Variants in RAB3GAP1 observed in about 807,000 individuals in gnomAD.
RAB3GAP1 encodes rab3 GTPase-activating protein catalytic subunit.
A neutral mutation model predicts 130.7 loss-of-function variants in RAB3GAP1; 86 were observed. The ratio of observed to expected loss-of-function variants is 0.66; its 90% CI spans 0.55 to 0.79. The LOEUF (loss-of-function observed/expected upper bound fraction) is 0.79. Ranked by LOEUF, RAB3GAP1 falls within the 30% of genes least tolerant of loss-of-function variation. RAB3GAP1 has a pLI of 0.00. For missense variants in RAB3GAP1, 1,029 were observed against 1,169.4 expected, an observed-to-expected ratio of 0.88 and a Z score of 1.75; for synonymous variants, 367 against 401.7, an observed-to-expected ratio of 0.91 and a Z score of 1.03.
chr2:135,065,583 T>A (rs931289485), intron 3 of RAB3GAP1, among the ~76,000 whole-genome samples: 1 of 152,210 alleles, frequency 6.6e-6, no homozygotes, highest in African/African-American at 2.4e-5. Context: ...TTATTTGTAA[T>A]GAATTAATAA....
chr2:135,159,931 T>C (rs1692419933), intron 19 of RAB3GAP1, among the ~76,000 whole-genome samples: 1 of 152,150 alleles, frequency 6.6e-6, no homozygotes, highest in African/African-American at 2.4e-5. Context: ...AGGACCAGAA[T>C]AGGCAAGTCC....
chr2:135,076,416 CAT>C (rs1447246698), intron 3 of RAB3GAP1, among the ~76,000 whole-genome samples: 1 of 152,122 alleles, frequency 6.6e-6, no homozygotes. Context: ...AAAACTATCT[CAT>C]TTTTATTTAT....
chr2:135,107,186 A>G (rs1180772407), intron 5 of RAB3GAP1, among the ~76,000 whole-genome samples: 3 of 152,148 alleles, frequency 2.0e-5, no homozygotes, highest in African/African-American at 7.2e-5. Flanking sequence ...TGACATTCTT[A>G]TGTAAACAAA....
chr2:135,064,749 T>C lies in RAB3GAP1; in HGVS notation c.150+6663T>C, dbSNP rs367957054. On this transcript the variant is annotated intron_variant, in intron 3 of 23. Coordinates refer to ENST00000264158, the MANE Select transcript of RAB3GAP1 (RefSeq NM_012233.3). ...GTTTCGTTTTGTTTTTTTCCTGAGG[T>C]GTTTTGTTTTTTTTTTTTTTTGATA... is the stretch of plus-strand genomic sequence containing the variant. 5.4e-3 allele frequency among the ~76,000 whole-genome samples: 791 copies of C among 145,906 alleles called. 8 individuals are homozygous for C. Among genetic ancestry groups the C allele is most frequent in the African/African-American group, 0.019 (737 of 39,694 alleles).
At chr2:135,075,654 T>A (rs988916073) in intron 3 of RAB3GAP1, among the ~76,000 whole-genome samples, 5 of 147,914 alleles carry the variant, frequency 3.4e-5, no homozygotes, top group South Asian at 2.2e-4. Context: ...TTTTTTTAAA[T>A]TTTTTTTTAT....
intron 3 of RAB3GAP1, among the ~76,000 whole-genome samples, chr2:135,060,878 T>G (rs1187132735): frequency 6.6e-6 from 1 of 151,928 alleles, no homozygotes; most frequent in African/African-American, 2.4e-5. Context: ...GCTATTTTTG[T>G]GTTTCTAGTA....
intron 5 of RAB3GAP1, among the ~76,000 whole-genome samples, chr2:135,109,839 C>A (rs1327261734): frequency 2.0e-5 from 3 of 152,184 alleles, no homozygotes; most frequent in Non-Finnish European, 2.9e-5. Context: ...GCCTCGGCCT[C>A]CCAAAGTGCT....
intron 5 of RAB3GAP1, among the ~76,000 whole-genome samples, chr2:135,107,365 A>G (rs1018926634): frequency 4.7e-5 from 7 of 149,666 alleles, no homozygotes; most frequent in African/African-American, 1.8e-4. Flanking sequence ...TGACAGCACT[A>G]TATTGTTGGG....
intron 5 of RAB3GAP1, among the ~76,000 whole-genome samples, chr2:135,103,035 A>ATTTGTTTTTTTTTTTT: frequency 1.1e-5 from 1 of 90,912 alleles, no homozygotes. Flanking sequence ...CATTTTTGTG[A>ATTTGTTTTTTTTTTTT]TTTTTTTTTT....
At chr2:135,099,800 A>C (rs1332820495) in intron 5 of RAB3GAP1, among the ~76,000 whole-genome samples, 1 of 152,118 alleles carries the variant, frequency 6.6e-6, no homozygotes, top group African/African-American at 2.4e-5. Context: ...ATGTATACCC[A>C]TATCCCTGAG....
At chr2:135,075,637 G>A (rs1340517545) in intron 3 of RAB3GAP1, among the ~76,000 whole-genome samples, 1 of 138,564 alleles carries the variant, frequency 7.2e-6, no homozygotes, top group South Asian at 2.3e-4. Context: ...TTGCATGTTT[G>A]CCTTTTTTTT....
rs200250746 is a variant in RAB3GAP1 at position 135,113,161 on chromosome 2, C to T, written c.373C>T (p.Arg125Cys). Residue 125 changes from arginine to cysteine, a missense_variant, in exon 6 of 24, where the codon CGT becomes TGT. This residue lies in a region of RAB3GAP1 where 510 missense variants were observed against 532.1 expected (regional missense o/e 0.96). Transcript: ENST00000264158. ...AHCLVRWYGLREFVVIAPAAH... is the reference protein window; with the variant it reads ...AHCLVRWYGLCEFVVIAPAAH... Reference sequence around the variant, plus strand: ...AATTCTTTTTTTAAGGTATGGGCTACGTGAGTTCGTGGTGATTGCCCCTGC... The same window carrying T: ...AATTCTTTTTTTAAGGTATGGGCTATGTGAGTTCGTGGTGATTGCCCCTGC... The T allele has an allele frequency of 5.5e-5, 88 of 1,614,004 alleles. No homozygotes were observed. Among genetic ancestry groups the T allele is most frequent in the Admixed American group, 1.5e-4 (9 of 59,998 alleles).
At chr2:135,087,734 T>G (rs1183794490) in intron 3 of RAB3GAP1, among the ~76,000 whole-genome samples, 1 of 152,234 alleles carries the variant, frequency 6.6e-6, no homozygotes, top group Non-Finnish European at 1.5e-5. Context: ...TTCATAACTT[T>G]GTAAACTCAT....
At chr2:135,144,655 C>G (rs1691945799) in intron 17 of RAB3GAP1, among the ~76,000 whole-genome samples, 1 of 152,236 alleles carries the variant, frequency 6.6e-6, no homozygotes, top group South Asian at 2.1e-4. Flanking sequence ...TCTTACCTGC[C>G]TAGGCATTTG....
chr2:135,066,821 T>A (rs1399256273), intron 3 of RAB3GAP1, among the ~76,000 whole-genome samples: 3 of 152,204 alleles, frequency 2.0e-5, no homozygotes, highest in Non-Finnish European at 4.4e-5. Flanking sequence ...TTTTAAGTAC[T>A]TTTAATGAAA....
intron 3 of RAB3GAP1, among the ~76,000 whole-genome samples, chr2:135,065,885 C>T (rs1338774392): frequency 6.6e-6 from 1 of 151,676 alleles, no homozygotes; most frequent in African/African-American, 2.4e-5. Context: ...ATTCTCCTGC[C>T]TCAGCCTCCT....
chr2:135,088,333 T>C (rs60628832), intron 3 of RAB3GAP1, among the ~76,000 whole-genome samples: 9,053 of 152,146 alleles, frequency 0.06, 517 homozygotes, highest in African/African-American at 0.15. Context: ...GTATACGCAG[T>C]TGATGCCTTG....
chr2:135,120,255 T>C (rs1472222494), intron 7 of RAB3GAP1, among the ~76,000 whole-genome samples: 1 of 152,234 alleles, frequency 6.6e-6, no homozygotes, highest in African/African-American at 2.4e-5. Context: ...GCATTTTGCT[T>C]AATAGAATGT....
chr2:135,111,247 A>C (rs547948058), intron 5 of RAB3GAP1, among the ~76,000 whole-genome samples: 1 of 152,268 alleles, frequency 6.6e-6, no homozygotes, highest in East Asian at 1.9e-4. Context: ...TATACCAGAG[A>C]TAATAAATTA....
Sources: gnomAD v4.1 joint callset for allele counts (sites outside exome capture counted in the v4.1 genomes callset) on GRCh38, gnomAD v4.1.1 for gene constraint, gnomAD v4.1.1 regional missense constraint, MANE v1.5 for transcripts, NCBI Gene and HGNC (gene_info 2026-07-23, HGNC 2026-07-21) for gene names.